Variants in TLN2 observed in about 807,000 individuals in gnomAD.
TLN2 encodes the protein talin 2.
A neutral mutation model predicts 294.7 loss-of-function variants in TLN2; 118 were observed. That is an observed-to-expected ratio of 0.40 (90% CI 0.34 to 0.47). The LOEUF (loss-of-function observed/expected upper bound fraction) is 0.47. TLN2 is among the 20% of genes least tolerant of loss of function. The pLI is 0.84. For synonymous variants in TLN2, 1,431 were observed against 1,304.5 expected (o/e 1.10, Z -2.09); for missense variants, 3,083 against 3,282.2 (o/e 0.94, Z 1.48).
At chr15:62,549,630 A>G (rs1460851676) in intron 1 of TLN2, among the ~76,000 whole-genome samples, 3 of 152,176 alleles carry the variant, frequency 2.0e-5, no homozygotes, top group East Asian at 1.9e-4. Flanking sequence ...GAATTTGACA[A>G]ATCTACAATT....
At chr15:62,499,830 C>T (rs1459261793) in intron 1 of TLN2, among the ~76,000 whole-genome samples, 8 of 151,930 alleles carry the variant, frequency 5.3e-5, no homozygotes, top group Admixed American at 1.3e-4. Context: ...CTCGAACTCC[C>T]GACCTCAGGT....
At position 62,727,197 on chromosome 15, in the gene TLN2, C is replaced by G; in HGVS notation, c.3358+8C>G. The G allele has an allele frequency of 6.2e-7, 1 of 1,610,574 alleles. No individual in the cohort carries two copies. Among genetic ancestry groups the G allele is most frequent in the Non-Finnish European group, 8.5e-7 (1 of 1,178,114 alleles). On this transcript the variant is annotated splice_region_variant and intron_variant, in intron 28 of 58. Coordinates refer to ENST00000636159, the MANE Select transcript of TLN2 (RefSeq NM_015059.3). ...GCAACGAACACTACACAGGTGAGAC[C>G]CACGCCCTTCATGCCACTGTGGCCA...
At chr15:62,430,249 G>C (rs2034943797) in intron 1 of TLN2, among the ~76,000 whole-genome samples, 1 of 152,196 alleles carries the variant, frequency 6.6e-6, no homozygotes, top group South Asian at 2.1e-4. Flanking sequence ...CCAGTGTCTA[G>C]AAAGTTAAAC....
chr15:62,649,774 G>C (rs1370784498), intron 4 of TLN2, among the ~76,000 whole-genome samples: 1 of 152,182 alleles, frequency 6.6e-6, no homozygotes, highest in Non-Finnish European at 1.5e-5. Context: ...AAGGGATAGA[G>C]AACAAGCTCA....
In TLN2 at chr15:62,418,137, C is replaced by G. The variant is rs115219521; in HGVS notation, c.-238+27452C>G. The stretch of plus-strand genomic sequence containing the variant: ...TTAAATCCACTTAATATGTGACCTA[C>G]AAGATGGTAGAGACCAAATGGTTCA... On this transcript the variant is annotated intron_variant, in intron 1 of 58. Transcript: ENST00000636159. Among the ~76,000 whole-genome samples, 238 of 152,300 alleles carry G rather than the reference C, an allele frequency of 1.6e-3. 1 individual carries two copies. Among genetic ancestry groups the G allele is most frequent in the African/African-American group, 5.5e-3 (230 of 41,568 alleles).
At chr15:62,546,541 C>A (rs917878013) in intron 1 of TLN2, among the ~76,000 whole-genome samples, 2 of 152,172 alleles carry the variant, frequency 1.3e-5, no homozygotes, top group Non-Finnish European at 2.9e-5. Flanking sequence ...ACTGGCTTCT[C>A]AGGAGATAGT....
At chr15:62,545,455 C>A (rs1223879266) in intron 1 of TLN2, among the ~76,000 whole-genome samples, 1 of 151,852 alleles carries the variant, frequency 6.6e-6, no homozygotes, top group African/African-American at 2.4e-5. Flanking sequence ...AGTGAGGCAG[C>A]ATCTTTTTAA....
chr15:62,691,047 G>A (rs2057856060), intron 12 of TLN2, among the ~76,000 whole-genome samples: 1 of 144,924 alleles, frequency 6.9e-6, no homozygotes, highest in African/African-American at 2.6e-5. Context: ...AGAGGGAGAG[G>A]GGGAGGGGGA....
chr15:62,664,918 A>T (rs561511357), intron 9 of TLN2, among the ~76,000 whole-genome samples: 2 of 146,582 alleles, frequency 1.4e-5, no homozygotes, highest in Non-Finnish European at 3.0e-5. Context: ...ATTTCCACTA[A>T]TTCTGTAATC....
intron 43 of TLN2, among the ~76,000 whole-genome samples, chr15:62,777,721 G>A (rs996686202): frequency 3.3e-5 from 5 of 152,070 alleles, no homozygotes; most frequent in African/African-American, 7.2e-5. Context: ...CACTGAAATC[G>A]TATATATGCA....
chr15:62,643,430 TTTTTTTTTTTG>T (rs2051403812), intron 3 of TLN2, among the ~76,000 whole-genome samples: 1 of 68,696 alleles, frequency 1.5e-5, no homozygotes, highest in Admixed American at 1.8e-4. Context: ...TTTTTTTTTT[TTTTTTTTTTTG>T]GTATATTGTG....
At chr15:62,515,172 G>T (rs1288846631) in intron 1 of TLN2, among the ~76,000 whole-genome samples, 1 of 151,958 alleles carries the variant, frequency 6.6e-6, no homozygotes, top group South Asian at 2.1e-4. Context: ...GTGGTAGATG[G>T]CTATCTTCAG....
Position 62,748,263 on chromosome 15 carries a change from AT to A in TLN2, c.4026-86del, listed in dbSNP as rs2061725123. 6 of 1,007,162 alleles carry A rather than the reference AT, an allele frequency of 6.0e-6. No homozygotes were observed. In the South Asian group the frequency reaches 8.4e-5, roughly 14 times the overall value. The allele number at this position is 1,007,162 out of a possible 1,614,324, so 62.4% of individuals were successfully genotyped here. A position where few individuals can be genotyped will look rare whatever the true frequency, so the allele number is the denominator to read the frequency against. On this transcript the variant is annotated intron_variant, in intron 32 of 58. Coordinates refer to ENST00000636159, the MANE Select transcript of TLN2 (RefSeq NM_015059.3). ...GGACCCGAGCTGAAATAGTGAATTAATTGTATTTCTGGTGAGCCTGCAAAGC... is the reference window on the plus strand; with the variant it reads ...GGACCCGAGCTGAAATAGTGAATTAATGTATTTCTGGTGAGCCTGCAAAGC...
chr15:62,801,734 A>G (rs925584496), intron 50 of TLN2, among the ~76,000 whole-genome samples: 1 of 152,202 alleles, frequency 6.6e-6, no homozygotes, highest in Non-Finnish European at 1.5e-5. Flanking sequence ...TGCCTTAAGT[A>G]CCACTGCCTG....
At chr15:62,629,176 G>C (rs2049554878) in intron 3 of TLN2, among the ~76,000 whole-genome samples, 1 of 152,212 alleles carries the variant, frequency 6.6e-6, no homozygotes, top group African/African-American at 2.4e-5. Context: ...CTGGGCCACA[G>C]AGTGAGACCC....
intron 2 of TLN2, among the ~76,000 whole-genome samples, chr15:62,597,876 G>C (rs1158637534): frequency 6.6e-6 from 1 of 152,158 alleles, no homozygotes; most frequent in African/African-American, 2.4e-5. Flanking sequence ...AAGTTTTACT[G>C]TATGTTGACT....
At chr15:62,412,747 C>G (rs2033846489) in intron 1 of TLN2, among the ~76,000 whole-genome samples, 1 of 152,228 alleles carries the variant, frequency 6.6e-6, no homozygotes, top group Non-Finnish European at 1.5e-5. Flanking sequence ...CTCCCCTAGA[C>G]TCTTAAATCC....
At chr15:62,457,834 C>T (rs1204845626) in intron 1 of TLN2, among the ~76,000 whole-genome samples, 1 of 152,170 alleles carries the variant, frequency 6.6e-6, no homozygotes, top group Non-Finnish European at 1.5e-5. Flanking sequence ...TGCTTGGCTT[C>T]AGGTCCCCTC....
chr15:62,583,055 C>G (rs1399238452), intron 1 of TLN2, among the ~76,000 whole-genome samples: 1 of 152,118 alleles, frequency 6.6e-6, no homozygotes, highest in Non-Finnish European at 1.5e-5. Context: ...TTCTAAAATG[C>G]ATTGCCAGAT....
Sources: gnomAD v4.1 joint callset for allele counts (sites outside exome capture counted in the v4.1 genomes callset) on GRCh38, gnomAD v4.1.1 for gene constraint, MANE v1.5 for transcripts, NCBI Gene and HGNC (gene_info 2026-07-23, HGNC 2026-07-21) for gene names.